PCNX1: variants seen among roughly 807,000 people sequenced by gnomAD.
PCNX1 encodes pecanex-like protein 1.
A neutral mutation model predicts 242.2 loss-of-function variants in PCNX1; 78 were observed. The ratio of observed to expected loss-of-function variants is 0.32; its 90% CI spans 0.27 to 0.39. The LOEUF (loss-of-function observed/expected upper bound fraction) is 0.39, where lower values mean the gene tolerates loss of function less well. PCNX1 is among the 10% of genes least tolerant of loss of function. The pLI is 1.00. For missense variants in PCNX1, 2,581 were observed against 2,856.5 expected (o/e 0.90, Z 2.20); for synonymous variants, 1,024 against 1,032.9 (o/e 0.99, Z 0.17).
At chr14:71,079,545 T>C (rs1024741527) in intron 28 of PCNX1, among the ~76,000 whole-genome samples, 4 of 152,192 alleles carry the variant, frequency 2.6e-5, no homozygotes, top group African/African-American at 9.6e-5. Flanking sequence ...CTTTTTTTTG[T>C]TTCCTGACTT....
chr14:71,027,649 C>T (rs754277266), intron 15 of PCNX1, among the ~76,000 whole-genome samples: 2 of 151,880 alleles, frequency 1.3e-5, no homozygotes, highest in Non-Finnish European at 2.9e-5. Context: ...ATTTTCCAAG[C>T]ATATGCATTG....
intron 8 of PCNX1, among the ~76,000 whole-genome samples, chr14:71,006,944 C>T (rs1358775584): frequency 6.6e-6 from 1 of 152,036 alleles, no homozygotes; most frequent in Non-Finnish European, 1.5e-5. Context: ...AAATGCCATG[C>T]GTATTTTTAA....
In PCNX1 at chr14:70,907,926, C is replaced by T. The variant is rs757486210; in HGVS notation, c.76C>T (p.His26Tyr). ...ALSGGWYYDP[H>Y]QATFVNALHL... ...CAGCGGGGGCTGGTACTACGACCCG[C>T]ACCAGGCCACCTTCGTGAACGCGCT... is the stretch of plus-strand genomic sequence containing the variant. Residue 26 changes from histidine (H) to tyrosine (Y), a missense_variant, in exon 1 of 36, where the codon CAC (histidine) becomes TAC (tyrosine). Transcript: ENST00000304743. The T allele has an allele frequency of 3.2e-5, 51 of 1,594,948 alleles. No individual in the cohort carries two copies. Among genetic ancestry groups the T allele is most frequent in the Non-Finnish European group, 4.1e-5 (48 of 1,172,478 alleles).
At chr14:70,930,245 A>G (rs1340313096) in intron 1 of PCNX1, among the ~76,000 whole-genome samples, 1 of 152,146 alleles carries the variant, frequency 6.6e-6, no homozygotes, top group Non-Finnish European at 1.5e-5. Flanking sequence ...TTTTGGGCTC[A>G]AGCAGTCCTA....
intron 21 of PCNX1, among the ~76,000 whole-genome samples, chr14:71,047,536 A>AT (rs2060898509): frequency 6.6e-6 from 1 of 152,144 alleles, no homozygotes; most frequent in Non-Finnish European, 1.5e-5. Context: ...ATATTGAGAA[A>AT]CTAGAGAATC....
chr14:71,054,660 C>T (rs1365505988), intron 24 of PCNX1, among the ~76,000 whole-genome samples: 1 of 152,102 alleles, frequency 6.6e-6, no homozygotes, highest in Non-Finnish European at 1.5e-5. Flanking sequence ...GAAAAAAACG[C>T]AGCTAGTTCA....
rs1324422082 is a variant in PCNX1, at chr14:71,114,031, T to TTTAA, written c.*4099_*4102dup. ...CCCTTTTTATTCTAGAGGCTTTTCC[T>TTTAA]TTAATTCAGAGATTAGTGGAGATAA... On this transcript the variant is annotated 3_prime_UTR_variant, in exon 36 of 36. Coordinates refer to ENST00000304743, the MANE Select transcript of PCNX1 (RefSeq NM_014982.3). 1 of 152,198 alleles carries TTTAA rather than the reference T, an allele frequency of 6.6e-6. No homozygotes were observed. The highest frequency in any genetic ancestry group is 1.5e-5 in the Non-Finnish European group (1 of 68,026). 9.4% of individuals were successfully genotyped at this position (152,198 alleles called of 1,614,324 possible). A position where few individuals can be genotyped will look rare whatever the true frequency, so the allele number is the denominator to read the frequency against.
Position 70,918,368 on chromosome 14 carries a change from TTAC to T in PCNX1, c.153+10368_153+10370del, listed in dbSNP as rs2056233705. 2.0e-5 allele frequency among the ~76,000 whole-genome samples: 3 copies of T among 152,216 alleles called. No homozygotes were observed. In the South Asian group the frequency reaches 6.2e-4, roughly 31 times the overall value. ...ACTCTTCCTTTCACTTGAACACTCT[TTAC>T]TATCGTCTGTGGGCAAGGTTGATGG... On this transcript the variant is annotated intron_variant, in intron 1 of 35. Coordinates refer to ENST00000304743, the MANE Select transcript of PCNX1 (RefSeq NM_014982.3).
rs189715277 is a variant in PCNX1, at chr14:70,944,302, G to A, written c.154-2613G>A. Among the ~76,000 whole-genome samples the A allele has an allele frequency of 1.4e-4, 22 of 152,346 alleles. 1 individual carries two copies. The East Asian group carries it at 3.9e-3, about 27-fold the overall frequency. Reference sequence around the variant, plus strand: ...GATGGAGCTGTCCAAGGCCATGGGAGCCCACGTCTTGCATCAGTGACCTGG... The same window carrying A: ...GATGGAGCTGTCCAAGGCCATGGGAACCCACGTCTTGCATCAGTGACCTGG... On this transcript the variant is annotated intron_variant, in intron 1 of 35. Transcript: ENST00000304743.
At chr14:71,100,558 A>G (rs1367883529) in intron 30 of PCNX1, among the ~76,000 whole-genome samples, 2 of 152,222 alleles carry the variant, frequency 1.3e-5, no homozygotes, top group East Asian at 3.9e-4. Flanking sequence ...CACCCTGGTG[A>G]CTGTATGCCT....
intron 30 of PCNX1, among the ~76,000 whole-genome samples, chr14:71,100,024 C>T (rs1160003420): frequency 6.6e-6 from 1 of 151,894 alleles, no homozygotes; most frequent in Non-Finnish European, 1.5e-5. Flanking sequence ...ATCTACCTTG[C>T]AACTCTGTGT....
At chr14:71,031,676 C>T in intron 16 of PCNX1, 1 of 736,698 alleles carries the variant, frequency 1.4e-6, no homozygotes, top group Middle Eastern at 2.4e-4. Flanking sequence ...AGGTCCTGCT[C>T]ACGTCTGTAC....
intron 1 of PCNX1, among the ~76,000 whole-genome samples, chr14:70,912,966 C>G (rs980359201): frequency 6.6e-6 from 1 of 152,252 alleles, no homozygotes; most frequent in African/African-American, 2.4e-5. Context: ...GTATTATCCC[C>G]TCACAGAGGC....
chr14:71,045,244 C>G lies in PCNX1; in HGVS notation c.3979C>G (p.Leu1327Val). The change falls in exon 20 of 36, where the codon CTG becomes GTG. Residue 1327 changes from leucine (L) to valine (V), a missense_variant. Coordinates refer to ENST00000304743, the MANE Select transcript of PCNX1 (RefSeq NM_014982.3). ...ACCATGGCACTGTTTCTCTCATCCT[C>G]TGCTAAAGACACTAGAGTATAATCA... ...QLPWHCFSHP[L>V]LKTLEYNQYE... 1.2e-6 allele frequency: 2 copies of G among 1,613,168 alleles called. No individual in the cohort carries two copies.
intron 35 of PCNX1, 28 bp downstream of exon 35, chr14:71,109,620 G>A (rs1243301854): frequency 6.2e-7 from 1 of 1,613,172 alleles, no homozygotes; most frequent in South Asian, 1.1e-5. Flanking sequence ...CTGGCGGTCT[G>A]GGGCTCTGCC....
chr14:71,084,379 T>C (rs1161078142), intron 28 of PCNX1, among the ~76,000 whole-genome samples: 1 of 152,234 alleles, frequency 6.6e-6, no homozygotes, highest in Non-Finnish European at 1.5e-5. Flanking sequence ...TCAAGTGCTG[T>C]GCTGGGAGAT....
chr14:71,086,190 C>T (rs150154052), intron 28 of PCNX1, among the ~76,000 whole-genome samples: 9 of 152,294 alleles, frequency 5.9e-5, no homozygotes, highest in African/African-American at 2.2e-4. Context: ...TCTTCCATGT[C>T]TCATTCAACA....
chr14:71,056,840 A>G (rs751010508), intron 25 of PCNX1, among the ~76,000 whole-genome samples: 2 of 151,902 alleles, frequency 1.3e-5, no homozygotes, highest in Non-Finnish European at 2.9e-5. Context: ...CATGATGCCC[A>G]GCTAATTTTT....
chr14:71,015,855 G>A (rs999981208), intron 11 of PCNX1, among the ~76,000 whole-genome samples: 2 of 151,986 alleles, frequency 1.3e-5, no homozygotes, highest in African/African-American at 4.8e-5. Context: ...AGATAAAAAA[G>A]AACAACACTC....
Sources: allele counts gnomAD v4.1 joint callset (sites outside exome capture counted in the v4.1 genomes callset), GRCh38; gene constraint gnomAD v4.1.1; transcripts MANE v1.5; gene names NCBI Gene and HGNC (gene_info 2026-07-23, HGNC 2026-07-21).